Variants in ADGRB3 observed in about 807,000 individuals in gnomAD.
The protein encoded by ADGRB3 is adhesion G protein-coupled receptor B3.
Under a neutral mutation model 193.4 loss-of-function variants are expected in ADGRB3, and 37 were observed. The ratio of observed to expected loss-of-function variants is 0.19; its 90% CI spans 0.15 to 0.25. ADGRB3 has a LOEUF of 0.25. ADGRB3 is among the 10% of genes least tolerant of loss of function. The probability of loss-of-function intolerance (pLI) is 1.00; values close to 1 mark genes in which losing one functional copy is unlikely to be tolerated. For missense variants in ADGRB3, 1,637 were observed against 1,852.9 expected (o/e 0.88, Z 2.14); for synonymous variants, 690 against 644.2 (o/e 1.07, Z -1.08).
intron 17 of ADGRB3, among the ~76,000 whole-genome samples, chr6:69,108,853 C>T (rs1243508307): frequency 6.6e-6 from 1 of 152,034 alleles, no homozygotes; most frequent in Non-Finnish European, 1.5e-5. Flanking sequence ...ATGTATTGGG[C>T]CTCATTTAAA....
At chr6:69,097,002 A>C (rs1023764745) in intron 17 of ADGRB3, among the ~76,000 whole-genome samples, 3 of 152,244 alleles carry the variant, frequency 2.0e-5, no homozygotes, top group Non-Finnish European at 4.4e-5. Context: ...GCTTTATATA[A>C]ATAGTAGAAG....
intron 11 of ADGRB3, among the ~76,000 whole-genome samples, chr6:68,997,128 CTACTA>C (rs1159173997): frequency 1.3e-5 from 2 of 152,062 alleles, no homozygotes; most frequent in African/African-American, 2.4e-5. Context: ...ATAGAATTGT[CTACTA>C]TATACTAACT....
chr6:69,325,086 C>T, intron 21 of ADGRB3, 64 bp downstream of exon 21: 1 of 1,528,458 alleles, frequency 6.5e-7, no homozygotes, highest in South Asian at 1.3e-5. Flanking sequence ...CATTAGAAAG[C>T]AGTCATGAGT....
At chr6:68,643,538 G>A (rs190050891) in intron 3 of ADGRB3, among the ~76,000 whole-genome samples, 1 of 131,516 alleles carries the variant, frequency 7.6e-6, no homozygotes, top group East Asian at 2.6e-4. Context: ...TGAAGAAACA[G>A]CCTGACAGTT....
intron 3 of ADGRB3, among the ~76,000 whole-genome samples, chr6:68,763,470 C>T (rs1469170211): frequency 9.2e-5 from 14 of 152,170 alleles, no homozygotes; most frequent in Admixed American, 9.2e-4. Flanking sequence ...CCTTGGTAGG[C>T]ATTCATATTG....
At chr6:68,701,290 T>G (rs1214997318) in intron 3 of ADGRB3, among the ~76,000 whole-genome samples, 1 of 152,150 alleles carries the variant, frequency 6.6e-6, no homozygotes, top group Non-Finnish European at 1.5e-5. Flanking sequence ...AGCCACTGAC[T>G]GAAACATAGC....
intron 15 of ADGRB3, among the ~76,000 whole-genome samples, chr6:69,052,661 ACTCT>A (rs1771433806): frequency 6.6e-6 from 1 of 152,036 alleles, no homozygotes; most frequent in Non-Finnish European, 1.5e-5. Flanking sequence ...TTGCATGTTG[ACTCT>A]CTCTTTTATT....
At chr6:69,053,255 C>G (rs1771450554) in intron 15 of ADGRB3, among the ~76,000 whole-genome samples, 1 of 152,076 alleles carries the variant, frequency 6.6e-6, no homozygotes. Context: ...AGCTAGAACT[C>G]TCATTTTATA....
chr6:68,665,349 C>G (rs1408511411), intron 3 of ADGRB3, among the ~76,000 whole-genome samples: 1 of 150,920 alleles, frequency 6.6e-6, no homozygotes, highest in Non-Finnish European at 1.5e-5. Context: ...TTTTGTTGTG[C>G]CAATTGGGTT....
At chr6:69,012,832 G>A (rs920177459) in intron 11 of ADGRB3, among the ~76,000 whole-genome samples, 1 of 152,026 alleles carries the variant, frequency 6.6e-6, no homozygotes, top group Non-Finnish European at 1.5e-5. Flanking sequence ...TGAAATTAGT[G>A]CAAATGCCTG....
At chr6:68,890,313 A>G (rs1237669492) in intron 3 of ADGRB3, among the ~76,000 whole-genome samples, 1 of 152,210 alleles carries the variant, frequency 6.6e-6, no homozygotes, top group Non-Finnish European at 1.5e-5. Flanking sequence ...TCCTTCAAAT[A>G]CTGTTGCCCT....
At chr6:68,643,928 T>C (rs1429656104) in intron 3 of ADGRB3, among the ~76,000 whole-genome samples, 1 of 142,304 alleles carries the variant, frequency 7.0e-6, no homozygotes. Flanking sequence ...CAAGACTCTA[T>C]CAGAAAAAAA....
chr6:68,938,129 C>T (rs1481884314), intron 5 of ADGRB3, among the ~76,000 whole-genome samples: 5 of 151,570 alleles, frequency 3.3e-5, no homozygotes, highest in Admixed American at 6.6e-5. Context: ...AATTAACTGG[C>T]AAAGAGTAAT....
chr6:69,097,487 T>C (rs1184457486), intron 17 of ADGRB3, among the ~76,000 whole-genome samples: 1 of 152,184 alleles, frequency 6.6e-6, no homozygotes, highest in Non-Finnish European at 1.5e-5. Context: ...TATCTAACCA[T>C]TCATGTCTAA....
chr6:69,278,938 G>GA (rs1243920630), intron 20 of ADGRB3, among the ~76,000 whole-genome samples: 1 of 151,008 alleles, frequency 6.6e-6, no homozygotes, highest in East Asian at 1.9e-4. Flanking sequence ...AACCATGTAA[G>GA]AAAATTCATG....
chr6:68,902,137 TTATA>T (rs1396266618), intron 3 of ADGRB3, among the ~76,000 whole-genome samples: 1 of 152,082 alleles, frequency 6.6e-6, no homozygotes, highest in African/African-American at 2.4e-5. Context: ...ACCTTATGTT[TTATA>T]TATATTCTGA....
chr6:68,765,366 T>A (rs934415281), intron 3 of ADGRB3, among the ~76,000 whole-genome samples: 7 of 152,154 alleles, frequency 4.6e-5, no homozygotes, highest in African/African-American at 1.7e-4. Context: ...CCCTAATTTT[T>A]AAAATATTTT....
intron 3 of ADGRB3, among the ~76,000 whole-genome samples, chr6:68,753,467 A>T (rs992247827): frequency 3.9e-5 from 6 of 152,228 alleles, no homozygotes; most frequent in Non-Finnish European, 8.8e-5. Flanking sequence ...AAGGATGCCT[A>T]TGGAATATTT....
intron 29 of ADGRB3, 131 bp downstream of exon 29, chr6:69,361,643 C>A: frequency 1.8e-6 from 2 of 1,133,984 alleles, no homozygotes; most frequent in Non-Finnish European, 2.4e-6. Flanking sequence ...TTAGCTTTTG[C>A]AGTTTTGTAT....
Sources: gnomAD v4.1 joint callset for allele counts (sites outside exome capture counted in the v4.1 genomes callset) on GRCh38, gnomAD v4.1.1 for gene constraint, MANE v1.5 for transcripts, NCBI Gene and HGNC (gene_info 2026-07-23, HGNC 2026-07-21) for gene names.